NRG1: variants seen among roughly 807,000 people sequenced by gnomAD.
The protein encoded by NRG1 is pro-neuregulin-1, membrane-bound isoform.
Under a neutral mutation model 63.8 loss-of-function variants are expected in NRG1, and 18 were observed. The observed-to-expected ratio is 0.28, with a 90% CI of 0.19 to 0.42. The LOEUF is 0.42. Among genes scored for constraint, NRG1 ranks in the 10% least tolerant of loss-of-function variants. The pLI is 1.00. For synonymous variants in NRG1, 302 were observed against 301.3 expected (o/e 1.00, Z -0.02); for missense variants, 762 against 814.7 (o/e 0.94, Z 0.79).
intron 1 of NRG1, among the ~76,000 whole-genome samples, chr8:32,315,840 C>T (rs1545961): frequency 0.29 from 44,508 of 151,288 alleles, 7,980 homozygotes; most frequent in East Asian, 0.63. Context: ...AAAACACATA[C>T]GAAACAATTA....
Position 31,640,124 on chromosome 8 carries a change from GGGC to G in NRG1, c.37+700_37+702del. On this transcript the variant is annotated intron_variant, in intron 1 of 10. Transcript: ENST00000519301. The surrounding 1 kb of genome is among the most constrained non-coding windows in gnomAD (Gnocchi z 6.3). ...CTGGGGACCGCGGCCCTGGCGCCGG[GGGC>G]GGCGGCCGGCAACGAGGCGGCTCCC... 1 of 1,155,966 alleles carries G rather than the reference GGGC, an allele frequency of 8.7e-7. No individual in the cohort carries two copies. The highest frequency in any genetic ancestry group is 1.1e-6 in the Non-Finnish European group (1 of 940,636). The allele number at this position is 1,155,966 out of a possible 1,614,324, so 71.6% of individuals were successfully genotyped here.
intron 5 of NRG1, among the ~76,000 whole-genome samples, chr8:32,635,565 T>G (rs920919561): frequency 1.1e-4 from 17 of 152,246 alleles, no homozygotes; most frequent in Admixed American, 1.1e-3. Context: ...AGTAAGTTAG[T>G]TATTTTTATA....
At chr8:32,009,027 T>G (rs1295023393) in intron 1 of NRG1, among the ~76,000 whole-genome samples, 2 of 152,114 alleles carry the variant, frequency 1.3e-5, no homozygotes, top group African/African-American at 4.8e-5. Context: ...CAGGTGAACC[T>G]GTTGATGACT....
In NRG1 at chr8:32,141,467, T is replaced by G. The variant is rs542957005; in HGVS notation, c.38-454361T>G. Among the ~76,000 whole-genome samples the G allele has an allele frequency of 2.0e-5, 3 of 151,536 alleles. No homozygotes were observed. In the South Asian group the frequency reaches 6.3e-4, roughly 32 times the overall value. On this transcript the variant is annotated intron_variant, in intron 1 of 10. Transcript: ENST00000519301. Reference sequence around the variant, plus strand: ...TGAAATTTTGGCCAGGGAAACATTTTGCATCCCTTTTTGATGTCTACAAAT... The same window carrying G: ...TGAAATTTTGGCCAGGGAAACATTTGGCATCCCTTTTTGATGTCTACAAAT...
chr8:32,326,562 C>A (rs1358538299), intron 1 of NRG1, among the ~76,000 whole-genome samples: 2 of 152,014 alleles, frequency 1.3e-5, no homozygotes, highest in African/African-American at 2.4e-5. Context: ...TAGCCTCAAG[C>A]AATCAATCTA....
chr8:31,872,038 C>A (rs981364394), intron 1 of NRG1, among the ~76,000 whole-genome samples: 1 of 152,122 alleles, frequency 6.6e-6, no homozygotes, highest in Non-Finnish European at 1.5e-5. Context: ...TGCCCTTGGT[C>A]TCCCTTGACT....
intron 1 of NRG1, among the ~76,000 whole-genome samples, chr8:31,870,060 A>C (rs552772481): frequency 6.5e-4 from 99 of 152,326 alleles, no homozygotes; most frequent in African/African-American, 2.1e-3. Context: ...TGTTGTATGG[A>C]GCTGAGGAAA....
chr8:31,880,535 A>G (rs776387), intron 1 of NRG1, among the ~76,000 whole-genome samples: 77,409 of 152,034 alleles, frequency 0.51, 20,342 homozygotes, highest in East Asian at 0.75. Context: ...GTGAGATCCT[A>G]TATATTAAGC....
chr8:32,612,510 T>C (rs1161542863), intron 3 of NRG1, among the ~76,000 whole-genome samples: 4 of 152,090 alleles, frequency 2.6e-5, no homozygotes, highest in African/African-American at 4.8e-5. Flanking sequence ...GATAAATACC[T>C]GATTTTAGGA....
rs1182895804 is a variant in NRG1 at position 31,747,047 on chromosome 8, G to T, written c.37+107616G>T. On this transcript the variant is annotated intron_variant, in intron 1 of 10. Coordinates refer to the NRG1 transcript ENST00000519301. ...GGGGCTGGTGGTTGGGGAGGTAGGG[G>T]TGGTTAATAGGTACAAAAAGGTAGT... Among the ~76,000 whole-genome samples the T allele has an allele frequency of 3.8e-4, 57 of 151,800 alleles. 1 individual carries two copies. The highest frequency in any genetic ancestry group is 3.6e-3 in the Admixed American group (54 of 15,186).
At chr8:32,592,526 C>T (rs578153906) in intron 1 of NRG1, among the ~76,000 whole-genome samples, 7 of 152,020 alleles carry the variant, frequency 4.6e-5, no homozygotes, top group Admixed American at 6.6e-5. Flanking sequence ...TTGAATTTGT[C>T]GTATTGTTTC....
chr8:32,241,658 T>G (rs2129469699), intron 1 of NRG1, among the ~76,000 whole-genome samples: 1 of 152,278 alleles, frequency 6.6e-6, no homozygotes, highest in South Asian at 2.1e-4. Flanking sequence ...TGAGATCCCA[T>G]TAGGGTTCAT....
At chr8:31,867,851 T>C (rs1829098808) in intron 1 of NRG1, among the ~76,000 whole-genome samples, 1 of 152,118 alleles carries the variant, frequency 6.6e-6, no homozygotes, top group Non-Finnish European at 1.5e-5. Flanking sequence ...AGGGAATCTG[T>C]GTATGTATTT....
intron 1 of NRG1, among the ~76,000 whole-genome samples, chr8:32,563,011 G>A (rs904928379): frequency 1.3e-5 from 2 of 152,096 alleles, no homozygotes; most frequent in African/African-American, 2.4e-5. Context: ...GTATGTTTTC[G>A]CTTAGAACAA....
At chr8:32,559,388 T>C (rs1835909357) in intron 1 of NRG1, among the ~76,000 whole-genome samples, 1 of 152,142 alleles carries the variant, frequency 6.6e-6, no homozygotes, top group Non-Finnish European at 1.5e-5. Context: ...TTATGGTACA[T>C]TTGTAACTAA....
chr8:32,351,428 G>A (rs925618950), intron 1 of NRG1, among the ~76,000 whole-genome samples: 2 of 152,028 alleles, frequency 1.3e-5, no homozygotes, highest in African/African-American at 2.4e-5. Context: ...GGGGTACTTC[G>A]GTCCATAAAA....
At chr8:32,487,639 G>A (rs1826065834) in intron 1 of NRG1, among the ~76,000 whole-genome samples, 1 of 152,168 alleles carries the variant, frequency 6.6e-6, no homozygotes, top group African/African-American at 2.4e-5. Flanking sequence ...GACCGCATCT[G>A]TATGCCTATT....
intron 1 of NRG1, among the ~76,000 whole-genome samples, chr8:32,549,915 G>A (rs1422408839): frequency 1.3e-5 from 2 of 152,148 alleles, no homozygotes; most frequent in Admixed American, 6.5e-5. Context: ...CGCTTCGAGC[G>A]TACCCCCAAC....
intron 1 of NRG1, among the ~76,000 whole-genome samples, chr8:31,871,084 C>T (rs1829439258): frequency 6.6e-6 from 1 of 151,256 alleles, no homozygotes; most frequent in African/African-American, 2.4e-5. Context: ...TCAAGTGAGT[C>T]TCCTGCCTCA....
Sources: allele counts gnomAD v4.1 joint callset (sites outside exome capture counted in the v4.1 genomes callset), GRCh38; gene constraint gnomAD v4.1.1; non-coding constraint Gnocchi (gnomAD v3.1); transcripts MANE v1.5; gene names NCBI Gene and HGNC (gene_info 2026-07-23, HGNC 2026-07-21).